Variants in WSCD1 observed in about 807,000 individuals in gnomAD.
WSCD1 encodes sialate:O-sulfotransferase 1.
Under a neutral mutation model 60.4 loss-of-function variants are expected in WSCD1, and 41 were observed. The ratio of observed to expected loss-of-function variants is 0.68; its 90% confidence interval spans 0.53 to 0.88. The LOEUF (loss-of-function observed/expected upper bound fraction) is 0.88. WSCD1 is among the 40% of genes least tolerant of loss of function. WSCD1 has a pLI of 0.00. For missense variants in WSCD1, 784 were observed against 796.2 expected (o/e 0.98, Z 0.18); for synonymous variants, 361 against 332.5 (o/e 1.09, Z -0.93).
rs371745294 is a variant in WSCD1, at chr17:6,112,942, AC to A, written c.1174+2008del. ...ACATTCTTCACAGAAACAGAAAAAA[AC>A]AATTCTAAAATTTGTATGGAACCAC... is the stretch of plus-strand genomic sequence containing the variant. On this transcript the variant is annotated intron_variant, in intron 7 of 8. Coordinates refer to ENST00000317744, the MANE Select transcript of WSCD1 (RefSeq NM_015253.2). Among the ~76,000 whole-genome samples, 84 of 152,280 alleles carry A rather than the reference AC, an allele frequency of 5.5e-4. No homozygotes were observed. In the East Asian group the frequency reaches 8.3e-3, roughly 15 times the overall value.
intron 4 of WSCD1, among the ~76,000 whole-genome samples, chr17:6,090,747 G>C (rs973921754): frequency 3.3e-5 from 5 of 152,196 alleles, no homozygotes; most frequent in Non-Finnish European, 5.9e-5. Flanking sequence ...CTGCAGGAGA[G>C]AGAAACTGAT....
At chr17:6,072,349 C>T (rs1226379795) in intron 1 of WSCD1, among the ~76,000 whole-genome samples, 4 of 152,216 alleles carry the variant, frequency 2.6e-5, no homozygotes, top group Admixed American at 1.3e-4. Context: ...GAATGAGTCA[C>T]AGAGCTGGTT....
intron 2 of WSCD1, among the ~76,000 whole-genome samples, chr17:6,083,348 C>T (rs936097766): frequency 1.3e-5 from 2 of 152,228 alleles, no homozygotes; most frequent in Admixed American, 6.5e-5. Flanking sequence ...TTCACGTGTG[C>T]ACCTCACTGT....
rs1910794591 is a variant in WSCD1 at position 6,101,446 on chromosome 17, G to T, written c.849+6223G>T. On this transcript the variant is annotated intron_variant, in intron 5 of 8. Transcript: ENST00000317744. This position sits in a 1 kb window ranked among gnomAD's most constrained non-coding sequence, Gnocchi z 4.1. Reference sequence around the variant, plus strand: ...GAGGTGGGGCTTGGAAACAGGAAAAGAGGAGGGGGTTCCTTGTAGTGCCCC... The same window carrying T: ...GAGGTGGGGCTTGGAAACAGGAAAATAGGAGGGGGTTCCTTGTAGTGCCCC... Among the ~76,000 whole-genome samples, 1 of 152,136 alleles carries T rather than the reference G, an allele frequency of 6.6e-6. No individual in the cohort carries two copies. Among genetic ancestry groups the T allele is most frequent in the Admixed American group, 6.5e-5 (1 of 15,274 alleles).
At chr17:6,092,109 A>C (rs1910091901) in intron 4 of WSCD1, among the ~76,000 whole-genome samples, 1 of 145,462 alleles carries the variant, frequency 6.9e-6, no homozygotes, top group Non-Finnish European at 1.5e-5. Flanking sequence ...AGCCAAAATC[A>C]TGCCATTGTA....
At chr17:6,092,719 C>T (rs1171335789) in intron 4 of WSCD1, among the ~76,000 whole-genome samples, 1 of 152,164 alleles carries the variant, frequency 6.6e-6, no homozygotes, top group African/African-American at 2.4e-5. Context: ...CGGCGGCCCT[C>T]CCAGCCCCAT....
intron 2 of WSCD1, 168 bp from the exon 3 acceptor site, chr17:6,087,822 G>A: frequency 1.9e-6 from 1 of 536,504 alleles, no homozygotes; most frequent in East Asian, 3.1e-5. Flanking sequence ...GGTGTCAGAT[G>A]CTCACTTTGC....
Position 6,109,661 on chromosome 17 carries a change from C to A in WSCD1, c.904C>A (p.Pro302Thr), listed in dbSNP as rs777419744. The A allele has an allele frequency of 1.8e-5, 29 of 1,614,094 alleles. No individual in the cohort carries two copies. Among genetic ancestry groups the A allele is most frequent in the Non-Finnish European group, 2.4e-5 (28 of 1,180,042 alleles). Residue 302 changes from proline to threonine, a missense_variant, in exon 6 of 9, where the codon CCC becomes ACC. Coordinates refer to ENST00000317744, the MANE Select transcript of WSCD1 (RefSeq NM_015253.2). ...GGAATGCTACTGTGCTTACCCTACCCCCCGGTTCAACCTGCGGGATGCCAT... is the reference window on the plus strand; with the variant it reads ...GGAATGCTACTGTGCTTACCCTACCACCCGGTTCAACCTGCGGGATGCCAT... Reference protein sequence around the residue: ...GWECYCAYPTPRFNLRDAMDS... With the variant: ...GWECYCAYPTTRFNLRDAMDS...
intron 1 of WSCD1, among the ~76,000 whole-genome samples, chr17:6,074,110 G>A (rs1247555646): frequency 6.6e-6 from 1 of 152,188 alleles, no homozygotes; most frequent in East Asian, 1.9e-4. Flanking sequence ...CCAACAGTGG[G>A]TTAATTGAAG....
In WSCD1 at chr17:6,120,388, G is replaced by C. The variant is rs1172910251; in HGVS notation, c.1455G>C (p.Leu485=). 1 of 1,613,962 alleles carries C rather than the reference G, an allele frequency of 6.2e-7. No homozygotes were observed. Among genetic ancestry groups the C allele is most frequent in the Non-Finnish European group, 8.5e-7 (1 of 1,180,040 alleles). ...VLDWLKYGKR[L]LVVHYEELRR... ...ACTGGCTCAAGTACGGGAAGCGGCT[G>C]CTGGTGGTGCACTACGAGGAGCTGC... The change falls in exon 9 of 9, where the codon CTG becomes CTC. Residue 485 remains leucine, a synonymous_variant. Transcript: ENST00000317744.
rs986128036 is a variant in WSCD1, at chr17:6,075,479, C to T, written c.-289+4827C>T. Among the ~76,000 whole-genome samples the T allele has an allele frequency of 7.2e-5, 11 of 152,158 alleles. No individual in the cohort carries two copies. Among genetic ancestry groups the T allele is most frequent in the African/African-American group, 2.7e-4 (11 of 41,424 alleles). The stretch of plus-strand genomic sequence containing the variant: ...GGCCACCTGACCAGCCCAAGCCACC[C>T]ATCATTCAGGCTGGGCAGTTGCTGC... On this transcript the variant is annotated intron_variant, in intron 1 of 8. Coordinates refer to ENST00000317744, the MANE Select transcript of WSCD1 (RefSeq NM_015253.2). This position sits in a 1 kb window ranked among gnomAD's most constrained non-coding sequence, Gnocchi z 4.1.
rs772674276 is a variant in WSCD1 at position 6,095,162 on chromosome 17, C to G, written c.788C>G (p.Pro263Arg). Residue 263 changes from proline (P) to arginine (R), a missense_variant, in exon 5 of 9, where the codon CCC (proline) becomes CGC (arginine). Transcript: ENST00000317744. ...RLPENITHAF[P>R]SSLIQANVTV... ...CCAGAGAACATCACACATGCCTTCC[C>G]CAGCTCCCTGATACAGGCCAATGTG... 2 of 1,613,828 alleles carry G rather than the reference C, an allele frequency of 1.2e-6. No homozygotes were observed. Among genetic ancestry groups the G allele is most frequent in the East Asian group, 2.2e-5 (1 of 44,840 alleles).
In WSCD1 at chr17:6,095,170, C is replaced by T; in HGVS notation, c.796C>T (p.Leu266=). Residue 266 remains leucine (L), a synonymous_variant, in exon 5 of 9, where the codon CTG becomes TTG. Coordinates refer to ENST00000317744, the MANE Select transcript of WSCD1 (RefSeq NM_015253.2). ...ENITHAFPSS[L]IQANVTVGTC... The stretch of plus-strand genomic sequence containing the variant: ...CATCACACATGCCTTCCCCAGCTCC[C>T]TGATACAGGCCAATGTGACCGTGGG... The T allele has an allele frequency of 6.2e-7, 1 of 1,613,832 alleles. No homozygotes were observed. The highest frequency in any genetic ancestry group is 8.5e-7 in the Non-Finnish European group (1 of 1,179,874).
intron 8 of WSCD1, among the ~76,000 whole-genome samples, 199 bp from the exon 9 acceptor site, chr17:6,120,110 T>G (rs111801354): frequency 6.6e-6 from 1 of 152,192 alleles, no homozygotes; most frequent in African/African-American, 2.4e-5. Context: ...CCCACCAGGA[T>G]GCCCAGAGCT....
In WSCD1 at chr17:6,121,567, G is replaced by A. The variant is rs985693649; in HGVS notation, c.*906G>A. The A allele has an allele frequency of 1.3e-5, 2 of 152,370 alleles. No homozygotes were observed. Among genetic ancestry groups the A allele is most frequent in the Non-Finnish European group, 2.9e-5 (2 of 68,156 alleles). 9.4% of individuals were successfully genotyped at this position (152,370 alleles called of 1,614,324 possible). The stretch of plus-strand genomic sequence containing the variant: ...AAGCAAGGTGTAAGCATGGGGGCGT[G>A]GGGAAGAGGGCAGGAGCTGAAGTTC... On this transcript the variant is annotated 3_prime_UTR_variant, in exon 9 of 9. Coordinates refer to ENST00000317744, the MANE Select transcript of WSCD1 (RefSeq NM_015253.2).
chr17:6,087,870 A>C, intron 2 of WSCD1, 120 bp from the exon 3 acceptor site: 1 of 720,532 alleles, frequency 1.4e-6, no homozygotes, highest in South Asian at 1.8e-5. Flanking sequence ...TGCAGCACTC[A>C]TCTCCCGGGT....
At position 6,075,808 on chromosome 17, in the gene WSCD1, G is replaced by T. The variant is rs1908817149; in HGVS notation, c.-288-4563G>T. On this transcript the variant is annotated intron_variant, in intron 1 of 8. Coordinates refer to ENST00000317744, the MANE Select transcript of WSCD1 (RefSeq NM_015253.2). This position sits in a 1 kb window ranked among gnomAD's most constrained non-coding sequence, Gnocchi z 4.1. ...CTCTAGCCTCCCCCTGAAGCACTCT[G>T]CAGGGTTCCAAGATGGGAGGTGCCC... Among the ~76,000 whole-genome samples, 2 of 152,162 alleles carry T rather than the reference G, an allele frequency of 1.3e-5. No homozygotes were observed. The highest frequency in any genetic ancestry group is 6.5e-5 in the Admixed American group (1 of 15,280).
intron 4 of WSCD1, among the ~76,000 whole-genome samples, chr17:6,093,407 G>A (rs370748618): frequency 1.1e-4 from 16 of 152,332 alleles, no homozygotes; most frequent in Admixed American, 8.5e-4. Context: ...CTTCCCCCCA[G>A]GAGCTGTGTT....
At chr17:6,100,706 C>T (rs988006120) in intron 5 of WSCD1, among the ~76,000 whole-genome samples, 1 of 152,204 alleles carries the variant, frequency 6.6e-6, no homozygotes, top group Non-Finnish European at 1.5e-5. Flanking sequence ...CATCCCTAGC[C>T]TCTACCCACT....
Sources: allele counts gnomAD v4.1 joint callset (sites outside exome capture counted in the v4.1 genomes callset), GRCh38; gene constraint gnomAD v4.1.1; non-coding constraint Gnocchi (gnomAD v3.1); transcripts MANE v1.5; gene names NCBI Gene and HGNC (gene_info 2026-07-23, HGNC 2026-07-21).